DIP2C: variants seen among roughly 807,000 people sequenced by gnomAD.
DIP2C encodes DIP2 acetate--CoA ligase C (putative).
A neutral mutation model predicts 192.4 loss-of-function variants in DIP2C; 33 were observed. The ratio of observed to expected loss-of-function variants is 0.17; its 90% CI spans 0.13 to 0.23. The LOEUF (loss-of-function observed/expected upper bound fraction) is 0.23, where lower values mean the gene tolerates loss of function less well. Among genes scored for constraint, DIP2C ranks in the 10% least tolerant of loss-of-function variants. The probability of loss-of-function intolerance (pLI) is 1.00; values close to 1 mark genes in which losing one functional copy is unlikely to be tolerated. For synonymous variants in DIP2C, 979 were observed against 864.1 expected, an observed-to-expected ratio of 1.13 and a Z score of -2.33; for missense variants, 1,537 against 2,110.1, an observed-to-expected ratio of 0.73 and a Z score of 5.32.
intron 32 of DIP2C, among the ~76,000 whole-genome samples, chr10:304,654 G>T (rs1564529187): frequency 6.6e-6 from 1 of 151,582 alleles, no homozygotes; most frequent in Non-Finnish European, 1.5e-5. Flanking sequence ...CAGTGTGCAT[G>T]TGCACATGCA....
At chr10:596,689 G>A (rs1396365864) in intron 1 of DIP2C, among the ~76,000 whole-genome samples, 1 of 152,108 alleles carries the variant, frequency 6.6e-6, no homozygotes, top group Non-Finnish European at 1.5e-5. Flanking sequence ...TACTGTGAAT[G>A]GAATCGGCAT....
chr10:441,649 T>TA (rs997513783), intron 3 of DIP2C, among the ~76,000 whole-genome samples: 83 of 152,344 alleles, frequency 5.4e-4, no homozygotes, highest in African/African-American at 2.0e-3. Flanking sequence ...TGCTGACATG[T>TA]AAAAAGTGCC....
intron 1 of DIP2C, among the ~76,000 whole-genome samples, chr10:642,773 C>A (rs189947879): frequency 1.3e-5 from 2 of 152,222 alleles, no homozygotes; most frequent in South Asian, 4.1e-4. Context: ...GCCCTTCATG[C>A]GTCTGTACCC....
Position 652,271 on chromosome 10 carries a change from G to T in DIP2C, c.85+37223C>A. ...GCTGGCTGCTGACCAAACTCCACTG[G>T]CATCTTCCTCCATCCTGAGGGCATC... On this transcript the variant is annotated intron_variant, in intron 1 of 36. Coordinates refer to ENST00000280886, the MANE Select transcript of DIP2C (RefSeq NM_014974.3). The surrounding 1 kb of genome is among the most constrained non-coding windows in gnomAD (Gnocchi z 4.5). The T allele has an allele frequency of 4.9e-6, 1 of 205,474 alleles. No homozygotes were observed. The highest frequency in any genetic ancestry group is 1.0e-5 in the Non-Finnish European group (1 of 100,094). The allele number at this position is 205,474 out of a possible 1,614,324, so 12.7% of individuals were successfully genotyped here.
chr10:549,273 C>T (rs1848467418), intron 1 of DIP2C, among the ~76,000 whole-genome samples: 1 of 152,082 alleles, frequency 6.6e-6, no homozygotes, highest in Non-Finnish European at 1.5e-5. Context: ...CCTCCAACAC[C>T]CAGGAAATTT....
At chr10:569,439 G>C (rs1296267460) in intron 1 of DIP2C, among the ~76,000 whole-genome samples, 1 of 152,164 alleles carries the variant, frequency 6.6e-6, no homozygotes, top group Admixed American at 6.5e-5. Context: ...GATACATAAT[G>C]ATGTGTGACA....
At chr10:640,176 C>T (rs770099249) in intron 1 of DIP2C, among the ~76,000 whole-genome samples, 1 of 152,258 alleles carries the variant, frequency 6.6e-6, no homozygotes, top group Non-Finnish European at 1.5e-5. Flanking sequence ...CACACACCTC[C>T]CACAGGTGGC....
chr10:419,799 A>G (rs977541319), intron 5 of DIP2C, among the ~76,000 whole-genome samples: 1 of 152,232 alleles, frequency 6.6e-6, no homozygotes, highest in Non-Finnish European at 1.5e-5. Flanking sequence ...AACAACAGTC[A>G]TTCAAAAAAC....
At position 636,448 on chromosome 10, in the gene DIP2C, T is replaced by C. The variant is rs1485599282; in HGVS notation, c.85+53046A>G. Among the ~76,000 whole-genome samples the C allele has an allele frequency of 6.6e-6, 1 of 152,080 alleles. No individual in the cohort carries two copies. The highest frequency in any genetic ancestry group is 1.9e-4 in the East Asian group (1 of 5,174). On this transcript the variant is annotated intron_variant, in intron 1 of 36. Coordinates refer to ENST00000280886, the MANE Select transcript of DIP2C (RefSeq NM_014974.3). This position sits in a 1 kb window ranked among gnomAD's most constrained non-coding sequence, Gnocchi z 4.6. ...TCTGTAGATTATACAGAGAGACAGA[T>C]TCGTTTCTCCTCTGGAGCCAGTTGA...
chr10:279,289 T>C (rs181624423), intron 36 of DIP2C, among the ~76,000 whole-genome samples: 40 of 152,296 alleles, frequency 2.6e-4, no homozygotes, highest in Middle Eastern at 3.4e-3. Context: ...ATCACAGATA[T>C]AGACGTCTCA....
rs2133094588 is a variant in DIP2C at position 413,797 on chromosome 10, A to AGG, written c.1057+114_1057+115dup. 2.3e-6 allele frequency: 3 copies of AGG among 1,323,146 alleles called. No individual in the cohort carries two copies. The Admixed American group carries it at 7.1e-5, about 31-fold the overall frequency. 82.0% of individuals were successfully genotyped at this position (1,323,146 alleles called of 1,614,324 possible). ...GCGCGAGGGCGTGGGCAAAGGGCAG[A>AGG]GGGTTAGCCTCGGGATTACCTTAAG... is the stretch of plus-strand genomic sequence containing the variant. On this transcript the variant is annotated intron_variant, in intron 8 of 36. Transcript: ENST00000280886.
intron 31 of DIP2C, among the ~76,000 whole-genome samples, chr10:323,880 G>A (rs1222987478): frequency 6.6e-6 from 1 of 152,176 alleles, no homozygotes; most frequent in African/African-American, 2.4e-5. Context: ...GCGAGAGGTG[G>A]TTTCTGCCGC....
intron 1 of DIP2C, among the ~76,000 whole-genome samples, chr10:610,235 TCTCA>T (rs1246175186): frequency 6.6e-6 from 1 of 152,152 alleles, no homozygotes; most frequent in African/African-American, 2.4e-5. Flanking sequence ...TGGTGCATGT[TCTCA>T]CTCATGAGCA....
chr10:486,598 CAAG>C, intron 1 of DIP2C, 68 bp from the exon 2 acceptor site: 1 of 1,310,562 alleles, frequency 7.6e-7, no homozygotes, highest in South Asian at 1.5e-5. Context: ...CAACGGTGCC[CAAG>C]AAGACACAGT....
intron 1 of DIP2C, among the ~76,000 whole-genome samples, chr10:502,078 C>T (rs1009640193): frequency 3.9e-5 from 6 of 152,152 alleles, no homozygotes; most frequent in South Asian, 2.1e-4. Context: ...CCTGGGAGGT[C>T]GAGGTTGCAC....
chr10:310,894 C>T (rs1956538785), intron 31 of DIP2C, among the ~76,000 whole-genome samples: 1 of 152,036 alleles, frequency 6.6e-6, no homozygotes, highest in Non-Finnish European at 1.5e-5. Flanking sequence ...AAGACTAAAC[C>T]TACAATAAAT....
At chr10:331,340 A>G (rs987336253) in intron 29 of DIP2C, among the ~76,000 whole-genome samples, 2 of 152,220 alleles carry the variant, frequency 1.3e-5, no homozygotes, top group African/African-American at 4.8e-5. Context: ...TCTTCGGCAA[A>G]TGTGACAAAG....
rs1009765643 is a variant in DIP2C, at chr10:453,340, G to C, written c.269-12344C>G. On this transcript the variant is annotated intron_variant, in intron 3 of 36. Transcript: ENST00000280886. ...AGAAATCTCTCGGGTGAAGGTACCAGGCAGGATTGCAGCGGAGTCAACAGA... is the reference window on the plus strand; with the variant it reads ...AGAAATCTCTCGGGTGAAGGTACCACGCAGGATTGCAGCGGAGTCAACAGA... Among the ~76,000 whole-genome samples the C allele has an allele frequency of 7.5e-4, 114 of 152,314 alleles. 1 individual carries two copies. Among genetic ancestry groups the C allele is most frequent in the African/African-American group, 2.6e-3 (110 of 41,584 alleles).
At position 603,038 on chromosome 10, in the gene DIP2C, A is replaced by G. The variant is rs1040675304; in HGVS notation, c.85+86456T>C. ...AAGAATCCACCCTACGTCTTATAAAACCAAACCAGCCCAGGAATTCCACAT... is the reference window on the plus strand; with the variant it reads ...AAGAATCCACCCTACGTCTTATAAAGCCAAACCAGCCCAGGAATTCCACAT... On this transcript the variant is annotated intron_variant, in intron 1 of 36. Coordinates refer to ENST00000280886, the MANE Select transcript of DIP2C (RefSeq NM_014974.3). 4.7e-4 allele frequency among the ~76,000 whole-genome samples: 71 copies of G among 152,192 alleles called. 1 individual carries two copies. The highest frequency in any genetic ancestry group is 1.5e-3 in the African/African-American group (62 of 41,508).
Sources: allele counts gnomAD v4.1 joint callset (sites outside exome capture counted in the v4.1 genomes callset), GRCh38; gene constraint gnomAD v4.1.1; non-coding constraint Gnocchi (gnomAD v3.1); transcripts MANE v1.5; gene names NCBI Gene and HGNC (gene_info 2026-07-23, HGNC 2026-07-21).